MAPK8IP1: variants seen among roughly 807,000 people sequenced by gnomAD.
MAPK8IP1 encodes mitogen-activated protein kinase 8 interacting protein 1, also known as C-Jun-amino-terminal kinase-interacting protein 1.
MAPK8IP1 carries 17 observed loss-of-function variants against 72.6 expected under a neutral mutation model. The observed-to-expected ratio is 0.23, with a 90% CI of 0.16 to 0.35. The LOEUF is 0.35. Ranked by LOEUF, MAPK8IP1 falls within the 10% of genes least tolerant of loss-of-function variation. The pLI is 1.00. For missense variants in MAPK8IP1, 789 were observed against 1,009.7 expected (o/e 0.78, Z 2.96); for synonymous variants, 401 against 443.4 (o/e 0.90, Z 1.20).
In MAPK8IP1 at chr11:45,900,335, G is replaced by A. The variant is rs987377495; in HGVS notation, c.405G>A (p.Pro135=). 22 of 1,446,040 alleles carry A rather than the reference G, an allele frequency of 1.5e-5. No individual in the cohort carries two copies. The African/African-American group carries it at 2.7e-4, about 18-fold the overall frequency. The allele number at this position is 1,446,040 out of a possible 1,614,324, so 89.6% of individuals were successfully genotyped here. ...GPPKAESGQE[P]ASRGQGQSQG... is the part of the protein sequence containing the mutation. Reference sequence around the variant, plus strand: ...CCAAGGCCGAGTCCGGCCAGGAGCCGGCGTCCCGCGGCCAGGGCCAGAGCC... The same window carrying A: ...CCAAGGCCGAGTCCGGCCAGGAGCCAGCGTCCCGCGGCCAGGGCCAGAGCC... The change falls in exon 3 of 12, where the codon CCG becomes CCA. Residue 135 remains proline, a synonymous_variant. Transcript: ENST00000241014. The surrounding 1 kb of genome is among the most constrained non-coding windows in gnomAD (Gnocchi z 6.5).
At chr11:45,893,168 G>A (rs1343570591) in intron 1 of MAPK8IP1, among the ~76,000 whole-genome samples, 1 of 152,178 alleles carries the variant, frequency 6.6e-6, no homozygotes, top group Non-Finnish European at 1.5e-5. Context: ...GCCTTGCTCA[G>A]CTAAAGCCTC....
chr11:45,904,378 C>T lies in MAPK8IP1; in HGVS notation c.1667-77C>T. 5 of 1,320,562 alleles carry T rather than the reference C, an allele frequency of 3.8e-6. No individual in the cohort carries two copies. In the Admixed American group the frequency reaches 7.3e-5, roughly 19 times the overall value. The allele number at this position is 1,320,562 out of a possible 1,614,324, so 81.8% of individuals were successfully genotyped here. Reference sequence around the variant, plus strand: ...GTGGGCTCTGCCATTCCCCGTGCCTCACCCACCCTCCTTCACTTGGCTGCT... The same window carrying T: ...GTGGGCTCTGCCATTCCCCGTGCCTTACCCACCCTCCTTCACTTGGCTGCT... On this transcript the variant is annotated intron_variant, in intron 7 of 11. Coordinates refer to ENST00000241014, the MANE Select transcript of MAPK8IP1 (RefSeq NM_005456.4). This position sits in a 1 kb window ranked among gnomAD's most constrained non-coding sequence, Gnocchi z 6.4.
chr11:45,899,315 G>A (rs1489645521), intron 2 of MAPK8IP1, among the ~76,000 whole-genome samples: 1 of 152,250 alleles, frequency 6.6e-6, no homozygotes, highest in African/African-American at 2.4e-5. Context: ...TCCGAGCTAG[G>A]CAGGGGCCCC....
chr11:45,905,809 G>A lies in MAPK8IP1; in HGVS notation c.*88G>A. ...GACAGGATGTGGCACTGCTTGAGGA[G>A]GGGCACCTGCCACCGCCAGAGGACA... On this transcript the variant is annotated 3_prime_UTR_variant, in exon 12 of 12. Transcript: ENST00000241014. The A allele has an allele frequency of 2.3e-6, 3 of 1,311,034 alleles. No homozygotes were observed. Among genetic ancestry groups the A allele is most frequent in the Non-Finnish European group, 2.2e-6 (2 of 912,734 alleles). The allele number at this position is 1,311,034 out of a possible 1,614,324, so 81.2% of individuals were successfully genotyped here. A position where few individuals can be genotyped will look rare whatever the true frequency, so the allele number is the denominator to read the frequency against.
intron 3 of MAPK8IP1, among the ~76,000 whole-genome samples, chr11:45,901,318 T>C (rs1194112524): frequency 6.6e-6 from 1 of 151,870 alleles, no homozygotes; most frequent in Non-Finnish European, 1.5e-5. Flanking sequence ...GAATGTAGAA[T>C]GGGCAGCCCA....
chr11:45,903,264 G>A lies in MAPK8IP1; in HGVS notation c.1417+80G>A, dbSNP rs564613659. The A allele has an allele frequency of 7.7e-5, 122 of 1,576,924 alleles. No homozygotes were observed. Among genetic ancestry groups the A allele is most frequent in the Middle Eastern group, 4.5e-4 (2 of 4,444 alleles). On this transcript the variant is annotated intron_variant, in intron 5 of 11. Coordinates refer to ENST00000241014, the MANE Select transcript of MAPK8IP1 (RefSeq NM_005456.4). The surrounding 1 kb of genome is among the most constrained non-coding windows in gnomAD (Gnocchi z 6.4). ...CAAAATGCGAAGTGTTCTGGGAGGC[G>A]ACCCCAGGCCCCATCTGGTTAGGAC...
intron 1 of MAPK8IP1, among the ~76,000 whole-genome samples, chr11:45,896,279 T>G (rs960502140): frequency 1.3e-5 from 2 of 152,212 alleles, no homozygotes; most frequent in Non-Finnish European, 2.9e-5. Flanking sequence ...GGATGCAGCC[T>G]GGGCCCACAG....
intron 1 of MAPK8IP1, among the ~76,000 whole-genome samples, chr11:45,892,669 TG>T (rs1565070776): frequency 6.7e-6 from 1 of 150,226 alleles, no homozygotes; most frequent in Non-Finnish European, 1.5e-5. Context: ...AGGTGGGAGG[TG>T]GGGGGAATGA....
Position 45,905,353 on chromosome 11 carries a change from A to C in MAPK8IP1, c.2063+104A>C, listed in dbSNP as rs567158859. 1.4e-5 allele frequency: 16 copies of C among 1,113,326 alleles called. No homozygotes were observed. In the African/African-American group the frequency reaches 2.2e-4, roughly 15 times the overall value. 69.0% of individuals were successfully genotyped at this position (1,113,326 alleles called of 1,614,324 possible). A position where few individuals can be genotyped will look rare whatever the true frequency, so the allele number is the denominator to read the frequency against. On this transcript the variant is annotated intron_variant, in intron 11 of 11. Coordinates refer to ENST00000241014, the MANE Select transcript of MAPK8IP1 (RefSeq NM_005456.4). ...AGCTTTGCCCCTCGGTTTCCCCCGC[A>C]GCTCTGGAGAACTATCTCCGGACCC...
At chr11:45,899,694 T>G (rs2134673351) in intron 2 of MAPK8IP1, among the ~76,000 whole-genome samples, 1 of 152,276 alleles carries the variant, frequency 6.6e-6, no homozygotes, top group South Asian at 2.1e-4. Context: ...CGTTCCTTGC[T>G]TGGCTGAGCC....
At chr11:45,896,580 C>A in intron 1 of MAPK8IP1, 1 of 1,272,032 alleles carries the variant, frequency 7.9e-7, no homozygotes. Context: ...GTGAGGGAGG[C>A]GGCCACAGCG....
In MAPK8IP1 at chr11:45,898,166, G is replaced by A. The variant is rs1220142030; in HGVS notation, c.183G>A (p.Gln61=). 2 of 1,613,352 alleles carry A rather than the reference G, an allele frequency of 1.2e-6. No individual in the cohort carries two copies. The highest frequency in any genetic ancestry group is 1.1e-5 in the South Asian group (1 of 91,052). The change falls in exon 2 of 12, where the codon CAG becomes CAA. Residue 61 remains glutamine, a synonymous_variant. Transcript: ENST00000241014. ...CTGATGAGTGTGGCATCAGCTTACA[G>A]TGCAAAGACACCCTGTCCTTACGGG... is the stretch of plus-strand genomic sequence containing the variant. ...EITDECGISL[Q]CKDTLSLRPP... is the part of the protein sequence containing the mutation.
At position 45,898,604 on chromosome 11, in the gene MAPK8IP1, A is replaced by G. The variant is rs575884345; in HGVS notation, c.207+414A>G. ...GGTGGAATCTGCAGTGCTTTAGGGCAGGAAGAAACAGCCAAGGCACCCCTG... is the reference window on the plus strand; with the variant it reads ...GGTGGAATCTGCAGTGCTTTAGGGCGGGAAGAAACAGCCAAGGCACCCCTG... On this transcript the variant is annotated intron_variant, in intron 2 of 11. Coordinates refer to ENST00000241014, the MANE Select transcript of MAPK8IP1 (RefSeq NM_005456.4). Among the ~76,000 whole-genome samples the G allele has an allele frequency of 7.9e-5, 12 of 152,324 alleles. No homozygotes were observed. In the East Asian group the frequency reaches 2.3e-3, roughly 29 times the overall value.
In MAPK8IP1 at chr11:45,902,553, G is replaced by T. The variant is rs760993099; in HGVS notation, c.786G>T (p.Ser262=). The part of the protein sequence containing the change: ...PAAPPGGRGH[S]HRDRIHYQAD... ...CCCCGCCTGGGGGTCGGGGCCACTC[G>T]CATCGAGACCGAATCCACTACCAGG... The change falls in exon 5 of 12, where the codon TCG becomes TCT. Residue 262 remains serine, a synonymous_variant. Transcript: ENST00000241014. This position sits in a 1 kb window ranked among gnomAD's most constrained non-coding sequence, Gnocchi z 9.3. 6.2e-7 allele frequency: 1 copy of T among 1,612,370 alleles called. No homozygotes were observed. The highest frequency in any genetic ancestry group is 8.5e-7 in the Non-Finnish European group (1 of 1,179,742).
intron 1 of MAPK8IP1, among the ~76,000 whole-genome samples, chr11:45,894,694 C>G (rs554603728): frequency 3.9e-4 from 60 of 152,288 alleles, no homozygotes; most frequent in Admixed American, 3.7e-3. Flanking sequence ...CTAGCAGGCT[C>G]ATGCTGAGGA....
chr11:45,890,623 G>A (rs2086559426), intron 1 of MAPK8IP1, among the ~76,000 whole-genome samples: 1 of 152,108 alleles, frequency 6.6e-6, no homozygotes, highest in Admixed American at 6.5e-5. Context: ...AGATTAGCCT[G>A]CTTGGTGAGG....
intron 10 of MAPK8IP1, 23 bp from the exon 11 acceptor site, chr11:45,905,128 C>T (rs200864176): frequency 1.2e-5 from 20 of 1,613,172 alleles, no homozygotes; most frequent in Non-Finnish European, 1.1e-5. Flanking sequence ...CCCGTCCCAG[C>T]ACAGACAGAC....
In MAPK8IP1 at chr11:45,900,125, G is replaced by T; in HGVS notation, c.208-13G>T. 8.1e-7 allele frequency: 1 copy of T among 1,232,728 alleles called. No individual in the cohort carries two copies. Among genetic ancestry groups the T allele is most frequent in the Non-Finnish European group, 1.0e-6 (1 of 989,546 alleles). The allele number at this position is 1,232,728 out of a possible 1,614,324, so 76.4% of individuals were successfully genotyped here. On this transcript the variant is annotated splice_polypyrimidine_tract_variant and intron_variant, in intron 2 of 11. Coordinates refer to ENST00000241014, the MANE Select transcript of MAPK8IP1 (RefSeq NM_005456.4). The surrounding 1 kb of genome is among the most constrained non-coding windows in gnomAD (Gnocchi z 6.5). ...CGGCCCCGCCCCCTGACGCCCCTCC[G>T]TGCGCTGTGCAGCCCCCGCGCGCCG...
chr11:45,895,714 G>A (rs2086600423), intron 1 of MAPK8IP1, among the ~76,000 whole-genome samples: 1 of 151,042 alleles, frequency 6.6e-6, no homozygotes, highest in African/African-American at 2.4e-5. Context: ...CTGGGTCAGC[G>A]GTCCTGCAGC....
Sources: allele counts gnomAD v4.1 joint callset (sites outside exome capture counted in the v4.1 genomes callset), GRCh38; gene constraint gnomAD v4.1.1; non-coding constraint Gnocchi (gnomAD v3.1); transcripts MANE v1.5; gene names NCBI Gene and HGNC (gene_info 2026-07-23, HGNC 2026-07-21).